The following CPQ variants were observed in gnomAD, a reference collection of about 807,000 sequenced individuals.
CPQ encodes Ser-Met dipeptidase.
A neutral mutation model predicts 45.7 loss-of-function variants in CPQ; 37 were observed. The ratio of observed to expected loss-of-function variants is 0.81; its 90% confidence interval spans 0.62 to 1.07. CPQ has a LOEUF of 1.07. Ranked by LOEUF, CPQ falls within the 50% of genes least tolerant of loss-of-function variation. CPQ has a pLI of 0.00. For synonymous variants in CPQ, 186 were observed against 205.8 expected, an observed-to-expected ratio of 0.90 and a Z score of 0.82; for missense variants, 537 against 572.9, an observed-to-expected ratio of 0.94 and a Z score of 0.64.
At chr8:96,648,806 GAAC>G (rs930497519) in intron 1 of CPQ, among the ~76,000 whole-genome samples, 2 of 152,140 alleles carry the variant, frequency 1.3e-5, no homozygotes, top group African/African-American at 2.4e-5. Context: ...CAAGAATGGA[GAAC>G]AACAAGAGCA....
chr8:97,034,985 C>T (rs766443052), intron 6 of CPQ, among the ~76,000 whole-genome samples: 11 of 151,824 alleles, frequency 7.2e-5, no homozygotes, highest in African/African-American at 1.9e-4. Context: ...CTCCGCCTCC[C>T]GGGTTCAAGC....
At chr8:96,755,647 A>G (rs1810317956) in intron 1 of CPQ, among the ~76,000 whole-genome samples, 1 of 151,916 alleles carries the variant, frequency 6.6e-6, no homozygotes. Flanking sequence ...CAAAGGGCAC[A>G]AAGTATATAA....
chr8:97,022,020 T>C (rs1809696807), intron 5 of CPQ, among the ~76,000 whole-genome samples: 1 of 152,190 alleles, frequency 6.6e-6, no homozygotes, highest in Admixed American at 6.6e-5. Flanking sequence ...AGCATGGTAC[T>C]GACATGAAAT....
At chr8:96,733,986 T>C (rs1048536084) in intron 1 of CPQ, among the ~76,000 whole-genome samples, 1 of 152,218 alleles carries the variant, frequency 6.6e-6, no homozygotes, top group Admixed American at 6.5e-5. Flanking sequence ...TCTGCTAGTG[T>C]TCTCCAATTC....
At chr8:97,024,322 AC>A (rs937837955) in intron 5 of CPQ, among the ~76,000 whole-genome samples, 1 of 151,594 alleles carries the variant, frequency 6.6e-6, no homozygotes, top group Admixed American at 6.6e-5. Flanking sequence ...TCCTTTTTCC[AC>A]ACAGATTCTC....
intron 4 of CPQ, among the ~76,000 whole-genome samples, chr8:96,896,057 C>T (rs1261788776): frequency 6.6e-6 from 1 of 152,024 alleles, no homozygotes; most frequent in East Asian, 1.9e-4. Context: ...CTCTAAGAAC[C>T]TTGACTGGTT....
At chr8:96,941,823 C>T (rs145326750) in intron 4 of CPQ, among the ~76,000 whole-genome samples, 403 of 152,276 alleles carry the variant, frequency 2.6e-3, no homozygotes, top group African/African-American at 8.7e-3. Flanking sequence ...GTTTTCATAT[C>T]TTTACATACA....
At chr8:96,777,798 G>A (rs182978237) in intron 1 of CPQ, among the ~76,000 whole-genome samples, 2 of 77,730 alleles carry the variant, frequency 2.6e-5, no homozygotes, top group Non-Finnish European at 4.5e-5. Flanking sequence ...TTTTTTTCTG[G>A]ACTCACTGCA....
chr8:97,035,610 G>GA (rs1809988162), intron 6 of CPQ, among the ~76,000 whole-genome samples: 1 of 152,126 alleles, frequency 6.6e-6, no homozygotes, highest in Non-Finnish European at 1.5e-5. Context: ...AGAGTTACAA[G>GA]AAAAATCCTG....
At chr8:96,906,129 A>G (rs1258110315) in intron 4 of CPQ, among the ~76,000 whole-genome samples, 1 of 152,162 alleles carries the variant, frequency 6.6e-6, no homozygotes, top group African/African-American at 2.4e-5. Flanking sequence ...TGCATTTTAC[A>G]TGAGCATCCA....
intron 5 of CPQ, among the ~76,000 whole-genome samples, chr8:96,972,866 G>A (rs1443003827): frequency 1.3e-5 from 2 of 152,140 alleles, no homozygotes. Context: ...CATCCCGTGG[G>A]ACAAAAGAAT....
chr8:96,764,761 C>T (rs1810446220), intron 1 of CPQ, among the ~76,000 whole-genome samples: 1 of 152,152 alleles, frequency 6.6e-6, no homozygotes. Context: ...CTAATTCAGA[C>T]AGGGGACTAA....
intron 4 of CPQ, among the ~76,000 whole-genome samples, chr8:96,896,925 C>G (rs1034752997): frequency 1.3e-5 from 2 of 152,116 alleles, no homozygotes; most frequent in African/African-American, 2.4e-5. Context: ...TTATGGGTTT[C>G]TAGTCTAGGA....
At chr8:96,828,543 C>T (rs1563507282) in intron 2 of CPQ, among the ~76,000 whole-genome samples, 1 of 152,030 alleles carries the variant, frequency 6.6e-6, no homozygotes, top group Non-Finnish European at 1.5e-5. Context: ...TCTACTGTAG[C>T]TGGCAACTCA....
At chr8:96,667,357 T>C (rs913050993) in intron 1 of CPQ, among the ~76,000 whole-genome samples, 4 of 151,098 alleles carry the variant, frequency 2.6e-5, no homozygotes, top group East Asian at 3.9e-4. Context: ...TTTTCTTTTT[T>C]TTTTTTTTTT....
At chr8:96,728,271 G>T (rs1463318559) in intron 1 of CPQ, among the ~76,000 whole-genome samples, 2 of 152,154 alleles carry the variant, frequency 1.3e-5, no homozygotes, top group Admixed American at 6.6e-5. Context: ...TATATGGAAT[G>T]ATATTTTTTT....
chr8:96,945,626 C>T (rs1021277353), intron 4 of CPQ, among the ~76,000 whole-genome samples: 6 of 152,002 alleles, frequency 3.9e-5, no homozygotes. Context: ...GCCCCTATAT[C>T]CAATTTAGCA....
At chr8:96,768,047 G>A (rs1222748208) in intron 1 of CPQ, among the ~76,000 whole-genome samples, 1 of 152,024 alleles carries the variant, frequency 6.6e-6, no homozygotes, top group Non-Finnish European at 1.5e-5. Flanking sequence ...CTCTTTCCAA[G>A]TATCTTCCTA....
chr8:96,898,787 A>G (rs1265127461), intron 4 of CPQ, among the ~76,000 whole-genome samples: 1 of 151,472 alleles, frequency 6.6e-6, no homozygotes, highest in African/African-American at 2.4e-5. Flanking sequence ...AAAAAAAAAA[A>G]AAAAAAGTCA....
Sources: gnomAD v4.1 joint callset for allele counts (sites outside exome capture counted in the v4.1 genomes callset) on GRCh38, gnomAD v4.1.1 for gene constraint, MANE v1.5 for transcripts, NCBI Gene and HGNC (gene_info 2026-07-23, HGNC 2026-07-21) for gene names.